WASHC5: variants seen among roughly 807,000 people sequenced by gnomAD.
WASHC5 encodes the protein WASH complex subunit 5.
Under a neutral mutation model 150.4 loss-of-function variants are expected in WASHC5, and 101 were observed. That is an observed-to-expected ratio of 0.67 (90% CI 0.57 to 0.79). The LOEUF (loss-of-function observed/expected upper bound fraction) is 0.79, where lower values mean the gene tolerates loss of function less well. WASHC5 is among the 30% of genes least tolerant of loss of function. The pLI is 0.00. For missense variants in WASHC5, 1,195 were observed against 1,396.3 expected (o/e 0.86, Z 2.30); for synonymous variants, 467 against 491.2 (o/e 0.95, Z 0.65).
rs776735740 is a variant in WASHC5, at chr8:125,078,927, A to C, written c.522T>G (p.Ala174=). The C allele has an allele frequency of 3.1e-6, 5 of 1,613,332 alleles. No homozygotes were observed. In the South Asian group the frequency reaches 4.4e-5, roughly 14 times the overall value. The change falls in exon 6 of 29, where the codon GCT becomes GCG. Residue 174 remains alanine, a synonymous_variant. Transcript: ENST00000318410. ...RMLVSYYRYS[A]ARSSADSNMD... is the part of the protein sequence containing the mutation. ...TATTTGAATCAGCAGAAGATCGAGC[A>C]GCACTGAGTCATATTCACAATGGGA...
chr8:125,070,604 T>C (rs1816870140), intron 9 of WASHC5, among the ~76,000 whole-genome samples: 1 of 152,236 alleles, frequency 6.6e-6, no homozygotes, highest in South Asian at 2.1e-4. Context: ...CGCTTGTGAA[T>C]GCAAGACTTT....
At chr8:125,066,390 C>T (rs985963675) in intron 10 of WASHC5, among the ~76,000 whole-genome samples, 8 of 152,112 alleles carry the variant, frequency 5.3e-5, no homozygotes, top group African/African-American at 1.7e-4. Flanking sequence ...GGATCTGTTC[C>T]GAATGGGTAT....
At chr8:125,047,698 A>C (rs945246448) in intron 19 of WASHC5, among the ~76,000 whole-genome samples, 2 of 152,186 alleles carry the variant, frequency 1.3e-5, no homozygotes, top group East Asian at 3.9e-4. Context: ...TTGGCCTCCC[A>C]AAGTGCTGGG....
chr8:125,049,058 CGA>C lies in WASHC5; in HGVS notation c.2325_2326del (p.Arg776TyrfsTer11), dbSNP rs1245290767. 1 of 1,613,710 alleles carries C rather than the reference CGA, an allele frequency of 6.2e-7. No individual in the cohort carries two copies. The highest frequency in any genetic ancestry group is 2.2e-5 in the East Asian group (1 of 44,868). ...TTGCTCCACGTTGTAATTTATGATACGAGATACTTCTTCCTGCCAAATCTTCA... is the reference window on the plus strand; with the variant it reads ...TTGCTCCACGTTGTAATTTATGATACGATACTTCTTCCTGCCAAATCTTCA... On this transcript the variant is annotated frameshift_variant, in exon 19 of 29. Coordinates refer to ENST00000318410, the MANE Select transcript of WASHC5 (RefSeq NM_014846.4). LOFTEE classifies it high-confidence loss of function.
intron 3 of WASHC5, 46 bp downstream of exon 3, chr8:125,083,067 T>G (rs767524271): frequency 1.6e-6 from 2 of 1,259,636 alleles, no homozygotes; most frequent in South Asian, 2.5e-5. Context: ...CTTTTCCCTC[T>G]CCACTATTTA....
chr8:125,041,948 T>A (rs1815901751), intron 23 of WASHC5, among the ~76,000 whole-genome samples: 1 of 152,184 alleles, frequency 6.6e-6, no homozygotes, highest in Non-Finnish European at 1.5e-5. Flanking sequence ...CATATAATTC[T>A]TTGCTTAATT....
chr8:125,047,289 T>A lies in WASHC5; in HGVS notation c.2422A>T (p.Ile808Leu). The A allele has an allele frequency of 1.9e-6, 3 of 1,613,992 alleles. No homozygotes were observed. The highest frequency in any genetic ancestry group is 2.5e-6 in the Non-Finnish European group (3 of 1,179,886). Residue 808 changes from isoleucine (I) to leucine (L), a missense_variant, in exon 20 of 29, where the codon ATA becomes TTA. Physicochemically the swap from Ile to Leu is conservative, Grantham distance 5. Coordinates refer to ENST00000318410, the MANE Select transcript of WASHC5 (RefSeq NM_014846.4). The part of the protein sequence containing the change: ...QSMYQSTHIP[I>L]PKFTPVDESV... ...TCATCCACAGGGGTAAACTTGGGTA[T>A]TGGAATATGAGTGGACTGGTACATG...
chr8:125,067,565 TG>T, intron 10 of WASHC5, 26 bp downstream of exon 10: 1 of 1,580,378 alleles, frequency 6.3e-7, no homozygotes, highest in Non-Finnish European at 8.7e-7. Flanking sequence ...GCTAAGACTG[TG>T]GTGATATTCA....
At position 125,059,204 on chromosome 8, in the gene WASHC5, T is replaced by C. The variant is rs1816507215; in HGVS notation, c.1764+18A>G. ...AACTCTTTCCTAGCAACAGAGAATCTCACTGTTTTTTGCTTACCTTTAGGA... is the reference window on the plus strand; with the variant it reads ...AACTCTTTCCTAGCAACAGAGAATCCCACTGTTTTTTGCTTACCTTTAGGA... On this transcript the variant is annotated intron_variant, in intron 14 of 28. Coordinates refer to ENST00000318410, the MANE Select transcript of WASHC5 (RefSeq NM_014846.4). 6.3e-7 allele frequency: 1 copy of C among 1,579,170 alleles called. No individual in the cohort carries two copies. The highest frequency in any genetic ancestry group is 1.4e-5 in the African/African-American group (1 of 74,058).
At chr8:125,081,048 G>C (rs1017854820) in intron 5 of WASHC5, among the ~76,000 whole-genome samples, 42 of 152,064 alleles carry the variant, frequency 2.8e-4, no homozygotes, top group African/African-American at 9.9e-4. Context: ...TCAAGGTAAA[G>C]AAAGTTCACA....
At chr8:125,027,342 A>T (rs1360759830) in intron 28 of WASHC5, among the ~76,000 whole-genome samples, 3 of 152,256 alleles carry the variant, frequency 2.0e-5, no homozygotes. Flanking sequence ...AGTACAATTT[A>T]CAATTGCAAA....
At chr8:125,033,724 T>A (rs923260756) in intron 26 of WASHC5, among the ~76,000 whole-genome samples, 4 of 152,058 alleles carry the variant, frequency 2.6e-5, no homozygotes, top group Non-Finnish European at 4.4e-5. Flanking sequence ...AATTTTTGTG[T>A]TTTTAGTAGA....
rs1347406002 is a variant in WASHC5, at chr8:125,059,225, TA to T, written c.1760del (p.Leu587GlnfsTer37). 1 of 1,610,466 alleles carries T rather than the reference TA, an allele frequency of 6.2e-7. No homozygotes were observed. The highest frequency in any genetic ancestry group is 1.3e-5 in the African/African-American group (1 of 74,822). On this transcript the variant is annotated frameshift_variant, in exon 14 of 29. Coordinates refer to ENST00000318410, the MANE Select transcript of WASHC5 (RefSeq NM_014846.4). LOFTEE classifies it high-confidence loss of function. The part of the protein sequence containing the change: ...SMVTKLRATF[L>X]KLASALDLPL... ...AATCTCACTGTTTTTTGCTTACCTT[TA>T]GGAAGGTAGCTCTGAGTTTAGTAAC...
chr8:125,063,477 G>A (rs774800039), intron 11 of WASHC5, 45 bp downstream of exon 11: 3 of 1,604,552 alleles, frequency 1.9e-6, no homozygotes, highest in East Asian at 4.5e-5. Context: ...CAAATAACCT[G>A]TGCACACATT....
chr8:125,062,747 CACT>C (rs1054864283), intron 11 of WASHC5, among the ~76,000 whole-genome samples: 42 of 152,120 alleles, frequency 2.8e-4, no homozygotes, highest in African/African-American at 9.9e-4. Flanking sequence ...CAAGAAGCTA[CACT>C]ACTAAGCAAT....
chr8:125,082,491 G>A, intron 3 of WASHC5, 24 bp from the exon 4 acceptor site: 1 of 1,214,146 alleles, frequency 8.2e-7, no homozygotes, highest in Non-Finnish European at 1.2e-6. Context: ...CACAGTGCAA[G>A]TTATTAATTT....
intron 26 of WASHC5, among the ~76,000 whole-genome samples, chr8:125,032,898 G>C (rs946703250): frequency 2.0e-5 from 3 of 151,808 alleles, no homozygotes; most frequent in Admixed American, 6.6e-5. Flanking sequence ...AAGTGAATGA[G>C]TATCAAAGCT....
intron 5 of WASHC5, among the ~76,000 whole-genome samples, chr8:125,079,185 C>T (rs1313679335): frequency 1.7e-5 from 1 of 57,580 alleles, no homozygotes; most frequent in East Asian, 6.0e-4. Flanking sequence ...TATATATAAC[C>T]TTTTTTTTTT....
intron 19 of WASHC5, among the ~76,000 whole-genome samples, chr8:125,048,139 A>T (rs2130041968): frequency 6.6e-6 from 1 of 152,352 alleles, no homozygotes; most frequent in South Asian, 2.1e-4. Flanking sequence ...GAGAAGCGAG[A>T]ACTAAGATGA....
Sources: gnomAD v4.1 joint callset for allele counts (sites outside exome capture counted in the v4.1 genomes callset) on GRCh38, gnomAD v4.1.1 for gene constraint, MANE v1.5 for transcripts, NCBI Gene and HGNC (gene_info 2026-07-23, HGNC 2026-07-21) for gene names.